Variants in SLC6A17 observed in about 807,000 individuals in gnomAD.
The protein encoded by SLC6A17 is sodium-dependent neutral amino acid transporter SLC6A17.
SLC6A17 carries 21 observed loss-of-function variants against 64.5 expected under a neutral mutation model. The observed-to-expected ratio is 0.33, with a 90% CI of 0.23 to 0.47. The LOEUF (loss-of-function observed/expected upper bound fraction) is 0.47, where lower values mean the gene tolerates loss of function less well. Among genes scored for constraint, SLC6A17 ranks in the 20% least tolerant of loss-of-function variants. The probability of loss-of-function intolerance (pLI) is 1.00; values close to 1 mark genes in which losing one functional copy is unlikely to be tolerated. For missense variants in SLC6A17, 682 were observed against 963.2 expected (o/e 0.71, Z 3.86); for synonymous variants, 372 against 399.5 (o/e 0.93, Z 0.82).
Position 110,174,070 on chromosome 1 carries a change from G to A in SLC6A17, c.542G>A (p.Cys181Tyr). The change falls in exon 4 of 12, where the codon TGT becomes TAT. Residue 181 changes from cysteine to tyrosine, a missense_variant. By Grantham distance (194) the Cys-to-Tyr change is radical (BLOSUM62 -2). Transcript: ENST00000331565. ...CAGTACCCGCTGCCCTGGAGTGAAT[G>A]TCCTGTCGTCAGGAATGGGAGCGTG... ...SFQYPLPWSE[C>Y]PVVRNGSVAV... 6.2e-7 allele frequency: 1 copy of A among 1,614,162 alleles called. No individual in the cohort carries two copies.
At chr1:110,191,276 G>C (rs1656818459) in intron 6 of SLC6A17, among the ~76,000 whole-genome samples, 1 of 152,158 alleles carries the variant, frequency 6.6e-6, no homozygotes. Flanking sequence ...CTGCCCCAAG[G>C]AACAAACAAT....
At chr1:110,172,858 G>C (rs1656277500) in intron 3 of SLC6A17, among the ~76,000 whole-genome samples, 1 of 152,214 alleles carries the variant, frequency 6.6e-6, no homozygotes, top group African/African-American at 2.4e-5. Context: ...AGCTCTACGT[G>C]AGGAAACAGC....
intron 1 of SLC6A17, among the ~76,000 whole-genome samples, chr1:110,161,340 A>T (rs1195450828): frequency 6.6e-6 from 1 of 152,084 alleles, no homozygotes; most frequent in Non-Finnish European, 1.5e-5. Flanking sequence ...ACCACCAATT[A>T]TACCTGAGTT....
Position 110,192,469 on chromosome 1 carries a change from T to C in SLC6A17, c.1107-37T>C. ...CAGGATCTCACCCATTGCCCACCCC[T>C]GCCTTCTTACCTGGTCCTCTCGGTT... On this transcript the variant is annotated intron_variant, in intron 7 of 11. Transcript: ENST00000331565. This position sits in a 1 kb window ranked among gnomAD's most constrained non-coding sequence, Gnocchi z 4.3. The C allele has an allele frequency of 6.3e-7, 1 of 1,582,866 alleles. No homozygotes were observed. The highest frequency in any genetic ancestry group is 8.6e-7 in the Non-Finnish European group (1 of 1,163,542).
intron 6 of SLC6A17, among the ~76,000 whole-genome samples, chr1:110,181,810 G>A (rs1275186757): frequency 6.6e-6 from 1 of 152,194 alleles, no homozygotes; most frequent in East Asian, 1.9e-4. Flanking sequence ...AAGGACTTGA[G>A]ACTGGCTGTG....
chr1:110,154,005 A>G (rs1326466281), intron 1 of SLC6A17, among the ~76,000 whole-genome samples: 4 of 152,180 alleles, frequency 2.6e-5, no homozygotes, highest in Non-Finnish European at 5.9e-5. Flanking sequence ...CAGTATCCCA[A>G]ACTCAAGTGG....
chr1:110,156,651 G>A (rs1342300815), intron 1 of SLC6A17, among the ~76,000 whole-genome samples: 2 of 152,150 alleles, frequency 1.3e-5, no homozygotes, highest in Non-Finnish European at 2.9e-5. Context: ...GTAAGTTGTT[G>A]GGAGGATAAA....
intron 6 of SLC6A17, chr1:110,178,831 C>CCCTT (rs1372313683): frequency 6.6e-6 from 1 of 152,222 alleles, no homozygotes; most frequent in Non-Finnish European, 1.5e-5. Context: ...ACCCCCACCT[C>CCCTT]TTAATCTATC....
intron 5 of SLC6A17, among the ~76,000 whole-genome samples, chr1:110,176,006 C>T (rs1038442121): frequency 1.3e-5 from 2 of 152,212 alleles, no homozygotes; most frequent in Non-Finnish European, 2.9e-5. Flanking sequence ...ACCAGACTTG[C>T]ATTCTCTTAG....
intron 6 of SLC6A17, among the ~76,000 whole-genome samples, chr1:110,190,541 G>T (rs1447123753): frequency 6.6e-6 from 1 of 152,172 alleles, no homozygotes; most frequent in Non-Finnish European, 1.5e-5. Flanking sequence ...CTGTGTCCTG[G>T]ATGTTATTTA....
intron 1 of SLC6A17, among the ~76,000 whole-genome samples, chr1:110,164,715 CCTT>C (rs570080192): frequency 4.0e-4 from 61 of 152,354 alleles, no homozygotes; most frequent in African/African-American, 1.2e-3. Context: ...TAGGTATCCT[CCTT>C]CTGCTTTACC....
At chr1:110,165,441 C>T (rs1206548736) in intron 1 of SLC6A17, among the ~76,000 whole-genome samples, 1 of 152,214 alleles carries the variant, frequency 6.6e-6, no homozygotes, top group Non-Finnish European at 1.5e-5. Context: ...ACCCCAAAGC[C>T]TAACCCTGTC....
chr1:110,192,708 C>T lies in SLC6A17; in HGVS notation c.1299+10C>T. ...GGACGAGCTGGACAAGGTGCGGGGA[C>T]AGGCTGCCCTTCCCAGGACAGGCAG... On this transcript the variant is annotated intron_variant, in intron 8 of 11. Transcript: ENST00000331565. This position sits in a 1 kb window ranked among gnomAD's most constrained non-coding sequence, Gnocchi z 4.3. 2.5e-6 allele frequency: 4 copies of T among 1,608,410 alleles called. No homozygotes were observed. The East Asian group carries it at 6.7e-5, about 27-fold the overall frequency.
rs376011743 is a variant in SLC6A17 at position 110,197,611 on chromosome 1, G to A, written c.1815+12G>A. On this transcript the variant is annotated intron_variant, in intron 11 of 11. Coordinates refer to ENST00000331565, the MANE Select transcript of SLC6A17 (RefSeq NM_001010898.4). Reference sequence around the variant, plus strand: ...GGATCAAGGAGGAGGTGAGGGGTGGGGCCCCAAACCCCAGGGACATTTGCA... The same window carrying A: ...GGATCAAGGAGGAGGTGAGGGGTGGAGCCCCAAACCCCAGGGACATTTGCA... 3.8e-6 allele frequency: 6 copies of A among 1,582,068 alleles called. No individual in the cohort carries two copies. The African/African-American group carries it at 6.8e-5, about 18-fold the overall frequency.
At chr1:110,193,199 C>G (rs186327705) in intron 8 of SLC6A17, among the ~76,000 whole-genome samples, 1 of 152,260 alleles carries the variant, frequency 6.6e-6, no homozygotes, top group East Asian at 1.9e-4. Context: ...ACTAGTAAGT[C>G]AGAGAGGCAG....
intron 1 of SLC6A17, among the ~76,000 whole-genome samples, chr1:110,155,680 T>C (rs1281404250): frequency 6.6e-6 from 1 of 152,244 alleles, no homozygotes; most frequent in Non-Finnish European, 1.5e-5. Context: ...GCAGTTTATT[T>C]GAAGATAACA....
intron 6 of SLC6A17, among the ~76,000 whole-genome samples, chr1:110,183,464 T>A (rs1656584854): frequency 6.6e-6 from 1 of 152,110 alleles, no homozygotes; most frequent in Non-Finnish European, 1.5e-5. Flanking sequence ...ACTGGGCTTG[T>A]GGGGAGGTTG....
chr1:110,186,752 A>G (rs559079046), intron 6 of SLC6A17, among the ~76,000 whole-genome samples: 1 of 152,342 alleles, frequency 6.6e-6, no homozygotes, highest in South Asian at 2.1e-4. Context: ...GATGGGCTCC[A>G]CCCCTAAGCA....
chr1:110,153,215 G>A (rs1367840980), intron 1 of SLC6A17, among the ~76,000 whole-genome samples: 1 of 152,088 alleles, frequency 6.6e-6, no homozygotes, highest in African/African-American at 2.4e-5. Flanking sequence ...GACTTCAGGG[G>A]TCACTTCTCT....
Sources: allele counts gnomAD v4.1 joint callset (sites outside exome capture counted in the v4.1 genomes callset), GRCh38; gene constraint gnomAD v4.1.1; non-coding constraint Gnocchi (gnomAD v3.1); transcripts MANE v1.5; gene names NCBI Gene and HGNC (gene_info 2026-07-23, HGNC 2026-07-21).